Variants in ARHGAP21 observed in about 807,000 individuals in gnomAD.
The protein encoded by ARHGAP21 is rho GTPase-activating protein 21.
In ARHGAP21, 38 loss-of-function variants were observed where a neutral mutation model predicts 164.6. That is an observed-to-expected ratio of 0.23 (90% confidence interval 0.18 to 0.30). The LOEUF is 0.30. Among genes scored for constraint, ARHGAP21 ranks in the 10% least tolerant of loss-of-function variants. The pLI, the probability that ARHGAP21 is intolerant of heterozygous loss-of-function variation, is 1.00. For synonymous variants in ARHGAP21, 766 were observed against 857.9 expected (o/e 0.89, Z 1.87); for missense variants, 1,822 against 2,370.7 (o/e 0.77, Z 4.81).
chr10:24,720,997 A>C (rs568809770), intron 2 of ARHGAP21, among the ~76,000 whole-genome samples: 2 of 152,000 alleles, frequency 1.3e-5, no homozygotes, highest in Non-Finnish European at 2.9e-5. Flanking sequence ...ACACGAGGAA[A>C]AAAAAAAAAG....
At chr10:24,595,429 T>G (rs1382567751) in intron 19 of ARHGAP21, among the ~76,000 whole-genome samples, 2 of 152,196 alleles carry the variant, frequency 1.3e-5, no homozygotes, top group African/African-American at 2.4e-5. Context: ...ACTTAAATAC[T>G]TGGCTTGACT....
intron 21 of ARHGAP21, among the ~76,000 whole-genome samples, chr10:24,594,207 A>T (rs2130811064): frequency 6.6e-6 from 1 of 152,358 alleles, no homozygotes; most frequent in African/African-American, 2.4e-5. Flanking sequence ...ATCATTTTAA[A>T]ATCTCTGATG....
chr10:24,702,268 C>A (rs959172837), intron 2 of ARHGAP21, among the ~76,000 whole-genome samples: 1 of 150,810 alleles, frequency 6.6e-6, no homozygotes, highest in Non-Finnish European at 1.5e-5. Flanking sequence ...GTAGCTGGGA[C>A]TACAGGCACC....
chr10:24,591,577 G>A, intron 23 of ARHGAP21, 65 bp downstream of exon 23: 2 of 1,572,350 alleles, frequency 1.3e-6, no homozygotes, highest in South Asian at 2.2e-5. Flanking sequence ...TGACATTGTT[G>A]GCGCGCCAGG....
intron 2 of ARHGAP21, among the ~76,000 whole-genome samples, chr10:24,692,648 A>G (rs1037937321): frequency 2.0e-5 from 3 of 152,142 alleles, no homozygotes; most frequent in African/African-American, 7.2e-5. Context: ...CCTGGCCAAC[A>G]TGGCGGAACC....
chr10:24,647,612 C>T (rs73606536), intron 4 of ARHGAP21, among the ~76,000 whole-genome samples: 1,974 of 152,248 alleles, frequency 0.013, 40 homozygotes, highest in African/African-American at 0.044. Context: ...AGATGGTGGT[C>T]ATCATTAGAA....
chr10:24,615,177 T>A (rs963624032), intron 9 of ARHGAP21, among the ~76,000 whole-genome samples: 3 of 152,094 alleles, frequency 2.0e-5, no homozygotes, highest in Admixed American at 6.5e-5. Context: ...GCAACGAAAG[T>A]GAAATTCCGT....
rs1459012849 is a variant in ARHGAP21 at position 24,584,737 on chromosome 10, T to C, written c.5552A>G (p.Asp1851Gly). The C allele has an allele frequency of 1.9e-6, 3 of 1,613,838 alleles. No homozygotes were observed. In the African/African-American group the frequency reaches 4.0e-5, roughly 22 times the overall value. ...KCSAQDLSISDWLARERLRTS... is the reference protein window; with the variant it reads ...KCSAQDLSISGWLARERLRTS... ...GCGTAGGCGTTCCCTGGCCAGCCAG[T>C]CTGAGATGGAAAGGTCCTGGGCTGA... is the stretch of plus-strand genomic sequence containing the variant. Residue 1851 changes from aspartate to glycine, a missense_variant, in exon 26 of 26, where the codon GAC (aspartate) becomes GGC (glycine). Coordinates refer to ENST00000396432, the MANE Select transcript of ARHGAP21 (RefSeq NM_020824.4).
At chr10:24,638,636 G>GT (rs1836642134) in intron 4 of ARHGAP21, among the ~76,000 whole-genome samples, 1 of 152,156 alleles carries the variant, frequency 6.6e-6, no homozygotes, top group South Asian at 2.1e-4. Flanking sequence ...TTCCACATCT[G>GT]TATTTTATAA....
At chr10:24,628,948 C>T (rs1200184160) in intron 7 of ARHGAP21, 2 of 69,764 alleles carry the variant, frequency 2.9e-5, no homozygotes, top group African/African-American at 1.3e-4. Context: ...TATACACACA[C>T]ACACTATATA....
chr10:24,624,228 T>C (rs1050735921), intron 7 of ARHGAP21, among the ~76,000 whole-genome samples: 6 of 151,994 alleles, frequency 3.9e-5, no homozygotes, highest in African/African-American at 1.5e-4. Context: ...TTTCACAAAA[T>C]GTACATTGTG....
Position 24,685,342 on chromosome 10 carries a change from T to C in ARHGAP21, c.64-14945A>G, listed in dbSNP as rs146935817. ...AAGAGCATCCAATCAATATAGATAT[T>C]AGCAGTTTATAGTGTCATAAGCATT... is the stretch of plus-strand genomic sequence containing the variant. On this transcript the variant is annotated intron_variant, in intron 2 of 25. Transcript: ENST00000396432. Among the ~76,000 whole-genome samples the C allele has an allele frequency of 5.4e-3, 816 of 152,308 alleles. 8 individuals are homozygous for C. Among genetic ancestry groups the C allele is most frequent in the Non-Finnish European group, 0.01 (693 of 68,022 alleles).
intron 2 of ARHGAP21, among the ~76,000 whole-genome samples, chr10:24,711,087 C>G (rs1844743121): frequency 2.6e-5 from 2 of 77,706 alleles, no homozygotes; most frequent in African/African-American, 1.1e-4. Context: ...GAGCAAGACT[C>G]CATCTCAAAA....
At position 24,635,040 on chromosome 10, in the gene ARHGAP21, C is replaced by T. The variant is rs201770528; in HGVS notation, c.332G>A (p.Gly111Glu). The change falls in exon 5 of 26, where the codon GGA (glycine) becomes GAA (glutamate). Residue 111 changes from glycine to glutamate, a missense_variant. By Grantham distance (98) the Gly-to-Glu change is moderately conservative. This residue lies in a region of ARHGAP21 where 1,090 missense variants were observed against 1,378.9 expected (regional missense o/e 0.79). Transcript: ENST00000396432. ...ACATAATCCAGCTTCAAAAGCAGGT[C>T]CTCCTTCTTTAACTTGCTTAACAAA... ...TIFVKQVKEGGPAFEAGLCTG... is the reference protein window; with the variant it reads ...TIFVKQVKEGEPAFEAGLCTG... 1.3e-6 allele frequency: 2 copies of T among 1,599,620 alleles called. No homozygotes were observed. The highest frequency in any genetic ancestry group is 2.2e-5 in the East Asian group (1 of 44,542).
chr10:24,722,488 G>T (rs981810642), intron 1 of ARHGAP21: 1 of 155,442 alleles, frequency 6.4e-6, no homozygotes, highest in African/African-American at 2.4e-5. Flanking sequence ...AAACACACCT[G>T]GCTGTTATGC....
intron 4 of ARHGAP21, among the ~76,000 whole-genome samples, chr10:24,660,536 G>A (rs1202589981): frequency 6.6e-6 from 1 of 152,038 alleles, no homozygotes; most frequent in Non-Finnish European, 1.5e-5. Flanking sequence ...CTTCGATCAT[G>A]GACCATGCTT....
At chr10:24,687,733 T>C (rs1842348111) in intron 2 of ARHGAP21, among the ~76,000 whole-genome samples, 1 of 152,178 alleles carries the variant, frequency 6.6e-6, no homozygotes, top group South Asian at 2.1e-4. Flanking sequence ...AAATTAAAAG[T>C]CGAGCTTAAA....
chr10:24,710,425 C>G (rs555306700), intron 2 of ARHGAP21, among the ~76,000 whole-genome samples: 1 of 152,308 alleles, frequency 6.6e-6, no homozygotes, highest in East Asian at 1.9e-4. Flanking sequence ...TTTCCCTGAT[C>G]TCTACAGTAG....
At chr10:24,670,182 G>GTT in intron 3 of ARHGAP21, 36 bp downstream of exon 3, 6 of 1,430,614 alleles carry the variant, frequency 4.2e-6, no homozygotes, top group South Asian at 1.5e-5. Context: ...TGGCCTTGTG[G>GTT]TTTTTTTTTC....
Sources: gnomAD v4.1 joint callset for allele counts (sites outside exome capture counted in the v4.1 genomes callset) on GRCh38, gnomAD v4.1.1 for gene constraint, gnomAD v4.1.1 regional missense constraint, MANE v1.5 for transcripts, NCBI Gene and HGNC (gene_info 2026-07-23, HGNC 2026-07-21) for gene names.